Variants in BMPER observed in about 807,000 individuals in gnomAD.
BMPER encodes the protein BMP-binding endothelial regulator protein.
A neutral mutation model predicts 87.3 loss-of-function variants in BMPER; 45 were observed. That is an observed-to-expected ratio of 0.52 (90% CI 0.41 to 0.66). BMPER has a LOEUF of 0.66. BMPER is among the 30% of genes least tolerant of loss of function. The pLI is 0.00. For missense variants in BMPER, 784 were observed against 867.5 expected (o/e 0.90, Z 1.21); for synonymous variants, 326 against 316.2 (o/e 1.03, Z -0.33).
chr7:34,059,448 T>G (rs2127964061), intron 10 of BMPER, among the ~76,000 whole-genome samples: 1 of 152,206 alleles, frequency 6.6e-6, no homozygotes, highest in Non-Finnish European at 1.5e-5. Flanking sequence ...CTCATTAGCC[T>G]TTCATCATTG....
At chr7:34,038,364 T>G (rs1456006105) in intron 6 of BMPER, among the ~76,000 whole-genome samples, 1 of 152,164 alleles carries the variant, frequency 6.6e-6, no homozygotes, top group Non-Finnish European at 1.5e-5. Flanking sequence ...GCAGGCTGCC[T>G]CTGGAAGCTG....
intron 13 of BMPER, among the ~76,000 whole-genome samples, chr7:34,126,661 C>T (rs1790409600): frequency 6.6e-6 from 1 of 152,092 alleles, no homozygotes; most frequent in African/African-American, 2.4e-5. Context: ...GCTGCTTTTT[C>T]CTCTTTCCTC....
intron 3 of BMPER, among the ~76,000 whole-genome samples, chr7:33,950,812 C>A (rs1395751679): frequency 6.6e-6 from 1 of 152,166 alleles, no homozygotes; most frequent in Non-Finnish European, 1.5e-5. Flanking sequence ...GCTTAGAATT[C>A]TACCAACCAT....
intron 8 of BMPER, among the ~76,000 whole-genome samples, chr7:34,052,360 G>C (rs746928286): frequency 6.6e-6 from 1 of 152,224 alleles, no homozygotes; most frequent in Non-Finnish European, 1.5e-5. Flanking sequence ...TGGATTTACA[G>C]TTCATCACAA....
intron 13 of BMPER, among the ~76,000 whole-genome samples, chr7:34,129,280 A>G (rs1055214436): frequency 3.9e-5 from 6 of 151,990 alleles, no homozygotes; most frequent in African/African-American, 1.5e-4. Flanking sequence ...AGGTGGGTGG[A>G]TCATAAGGTC....
chr7:34,138,552 G>A (rs755284571), intron 13 of BMPER, among the ~76,000 whole-genome samples: 2 of 152,174 alleles, frequency 1.3e-5, no homozygotes, highest in Non-Finnish European at 2.9e-5. Context: ...CCTGAACCCT[G>A]AACCTCTTGG....
intron 11 of BMPER, among the ~76,000 whole-genome samples, chr7:34,075,671 G>A (rs1788846178): frequency 6.6e-6 from 1 of 152,194 alleles, no homozygotes; most frequent in South Asian, 2.1e-4. Context: ...TATCACGCCA[G>A]GCTTTCCAGA....
rs1314219023 is a variant in BMPER, at chr7:34,155,352, G to A, written c.*2079G>A. ...TGATGGAGAAGGGAGAATTGTGGAT[G>A]GTTATTTATAGCTCATGATTCATCC... On this transcript the variant is annotated 3_prime_UTR_variant, in exon 15 of 15. Transcript: ENST00000649409. The A allele has an allele frequency of 6.6e-6, 1 of 152,144 alleles. No individual in the cohort carries two copies. The highest frequency in any genetic ancestry group is 2.4e-5 in the African/African-American group (1 of 41,434). The allele number at this position is 152,144 out of a possible 1,614,324, so 9.4% of individuals were successfully genotyped here.
chr7:33,912,504 A>G (rs1344970276), intron 2 of BMPER, among the ~76,000 whole-genome samples: 1 of 152,226 alleles, frequency 6.6e-6, no homozygotes, highest in Admixed American at 6.5e-5. Flanking sequence ...TGTTGAGGAA[A>G]GAGAGCCCTT....
rs143408604 is a variant in BMPER, at chr7:34,019,904, A to G, written c.577-26402A>G. Among the ~76,000 whole-genome samples the G allele has an allele frequency of 8.0e-3, 1,209 of 151,100 alleles. 19 individuals are homozygous for G. The highest frequency in any genetic ancestry group is 0.028 in the African/African-American group (1,160 of 41,228). Reference sequence around the variant, plus strand: ...ACACTTCACAGGAGGGGATCTGGCTATAGTTGGGGATGGAGGAAGCTGTTC... The same window carrying G: ...ACACTTCACAGGAGGGGATCTGGCTGTAGTTGGGGATGGAGGAAGCTGTTC... On this transcript the variant is annotated intron_variant, in intron 6 of 14. Coordinates refer to ENST00000649409, the MANE Select transcript of BMPER (RefSeq NM_001365308.1).
chr7:34,063,596 A>G (rs939731801), intron 11 of BMPER, among the ~76,000 whole-genome samples: 1 of 152,244 alleles, frequency 6.6e-6, no homozygotes, highest in Non-Finnish European at 1.5e-5. Flanking sequence ...AAGGAGGCCA[A>G]TGAAGTACGA....
rs534602458 is a variant in BMPER, at chr7:34,146,313, G to A, written c.1876+2953G>A. 3.9e-5 allele frequency among the ~76,000 whole-genome samples: 6 copies of A among 152,238 alleles called. No individual in the cohort carries two copies. In the South Asian group the frequency reaches 1.0e-3, roughly 26 times the overall value. ...TGGAAGTTGAACATATAAGAAGTCA[G>A]CCAGGCGAGAAACTCTAAATGAGCC... On this transcript the variant is annotated intron_variant, in intron 14 of 14. Transcript: ENST00000649409.
At chr7:33,911,465 T>C (rs2128601692) in intron 2 of BMPER, among the ~76,000 whole-genome samples, 1 of 152,348 alleles carries the variant, frequency 6.6e-6, no homozygotes, top group Middle Eastern at 3.4e-3. Flanking sequence ...CAGAGAGTCC[T>C]TTCAACCTGC....
Position 34,143,304 on chromosome 7 carries a change from G to T in BMPER, c.1820G>T (p.Arg607Leu). ...CYCESFLAYT[R>L]ACQREGIKVH... ...TGCGAGTCATTTTTGGCATATACCC[G>T]GGCCTGCCAGAGAGAGGGCATCAAA... Residue 607 changes from arginine to leucine, a missense_variant, in exon 14 of 15, where the codon CGG becomes CTG. Physicochemically the swap from Arg to Leu is moderately radical, Grantham distance 102. Transcript: ENST00000649409. The T allele has an allele frequency of 6.2e-7, 1 of 1,613,988 alleles. No homozygotes were observed. Among genetic ancestry groups the T allele is most frequent in the Non-Finnish European group, 8.5e-7 (1 of 1,179,950 alleles).
chr7:33,969,131 G>A (rs1785473545), intron 4 of BMPER, among the ~76,000 whole-genome samples: 1 of 152,182 alleles, frequency 6.6e-6, no homozygotes. Context: ...TCCTTGTTGG[G>A]TTGAGATGAT....
chr7:34,104,071 C>T (rs1340198037), intron 13 of BMPER, among the ~76,000 whole-genome samples: 3 of 152,232 alleles, frequency 2.0e-5, no homozygotes, highest in African/African-American at 7.2e-5. Flanking sequence ...TGGTGCTTTC[C>T]ACTGGACATG....
In BMPER at chr7:34,086,050, T is replaced by C. The variant is rs765011861; in HGVS notation, c.1703T>C (p.Phe568Ser). 1 of 1,613,680 alleles carries C rather than the reference T, an allele frequency of 6.2e-7. No homozygotes were observed. The highest frequency in any genetic ancestry group is 1.1e-5 in the South Asian group (1 of 91,022). ...TGCCAAAAGCTCAAATCCTGGGAGT[T>C]TCAGACCTGCCACTCGACTGTGGAC... The part of the protein sequence containing the change: ...RECQKLKSWE[F>S]QTCHSTVDYA... The change falls in exon 13 of 15, where the codon TTT becomes TCT. Residue 568 changes from phenylalanine (F) to serine (S), a missense_variant. Transcript: ENST00000649409.
chr7:34,037,904 C>T (rs1037778416), intron 6 of BMPER, among the ~76,000 whole-genome samples: 3 of 152,154 alleles, frequency 2.0e-5, no homozygotes, highest in Admixed American at 6.5e-5. Context: ...GGATTTAAAT[C>T]GAGCTTCTTG....
At chr7:34,129,448 C>T (rs1790490439) in intron 13 of BMPER, among the ~76,000 whole-genome samples, 2 of 151,394 alleles carry the variant, frequency 1.3e-5, no homozygotes, top group South Asian at 4.2e-4. Flanking sequence ...TTGCAGTGAG[C>T]CGAGATTGTG....
Sources: allele counts gnomAD v4.1 joint callset (sites outside exome capture counted in the v4.1 genomes callset), GRCh38; gene constraint gnomAD v4.1.1; transcripts MANE v1.5; gene names NCBI Gene and HGNC (gene_info 2026-07-23, HGNC 2026-07-21).